TBC1D5: variants seen among roughly 807,000 people sequenced by gnomAD.
TBC1D5 encodes TBC1 domain family, member 5.
In TBC1D5, 75 loss-of-function variants were observed where a neutral mutation model predicts 100.3. The observed-to-expected ratio is 0.75, with a 90% CI of 0.62 to 0.91. The LOEUF is 0.91. Ranked by LOEUF, TBC1D5 falls within the 40% of genes least tolerant of loss-of-function variation. The probability of loss-of-function intolerance (pLI) is 0.00; values close to 1 mark genes in which losing one functional copy is unlikely to be tolerated. For missense variants in TBC1D5, 910 were observed against 942.4 expected, an observed-to-expected ratio of 0.97 and a Z score of 0.45; for synonymous variants, 323 against 325.6, an observed-to-expected ratio of 0.99 and a Z score of 0.09.
chr3:17,645,104 G>A (rs1415631405), intron 1 of TBC1D5, among the ~76,000 whole-genome samples: 3 of 152,062 alleles, frequency 2.0e-5, no homozygotes, highest in African/African-American at 7.2e-5. Flanking sequence ...ATTCTCTGAA[G>A]ATAAATATAA....
chr3:17,166,449 AT>A (rs1164576753), intron 21 of TBC1D5, among the ~76,000 whole-genome samples: 4 of 152,236 alleles, frequency 2.6e-5, no homozygotes, highest in Non-Finnish European at 5.9e-5. Context: ...CAACTGACTG[AT>A]AACTAAGACA....
intron 1 of TBC1D5, among the ~76,000 whole-genome samples, chr3:17,635,979 G>C (rs1186103848): frequency 6.6e-6 from 1 of 151,998 alleles, no homozygotes; most frequent in African/African-American, 2.4e-5. Flanking sequence ...GATCACTTGA[G>C]GTCAGGAGTT....
intron 15 of TBC1D5, among the ~76,000 whole-genome samples, chr3:17,266,681 T>C (rs1289225555): frequency 6.6e-6 from 1 of 152,140 alleles, no homozygotes; most frequent in Non-Finnish European, 1.5e-5. Flanking sequence ...TTAATACAGA[T>C]TTTCATTAAA....
intron 1 of TBC1D5, among the ~76,000 whole-genome samples, chr3:17,726,185 ATGTG>A (rs2076115284): frequency 6.6e-6 from 1 of 152,190 alleles, no homozygotes. Context: ...ATACGTGTGC[ATGTG>A]TTTTTATGAT....
intron 16 of TBC1D5, among the ~76,000 whole-genome samples, chr3:17,254,131 CAGATT>C (rs2077418619): frequency 1.3e-5 from 2 of 152,230 alleles, no homozygotes; most frequent in South Asian, 4.2e-4. Context: ...GGGTTATTTC[CAGATT>C]TGGGGTATTA....
intron 14 of TBC1D5, among the ~76,000 whole-genome samples, chr3:17,298,461 G>A (rs1343865486): frequency 1.3e-5 from 2 of 152,132 alleles, no homozygotes; most frequent in South Asian, 4.1e-4. Flanking sequence ...TGTGATAATT[G>A]CTAAAATGGA....
At chr3:17,704,061 C>T (rs1238679448) in intron 1 of TBC1D5, among the ~76,000 whole-genome samples, 2 of 143,078 alleles carry the variant, frequency 1.4e-5, no homozygotes, top group Non-Finnish European at 3.0e-5. Flanking sequence ...AGGCAGAGGA[C>T]CCTGCGGCCT....
chr3:17,500,430 T>C (rs1435546029), intron 3 of TBC1D5, among the ~76,000 whole-genome samples: 2 of 149,662 alleles, frequency 1.3e-5, no homozygotes, highest in Non-Finnish European at 2.9e-5. Context: ...CATCTAAATG[T>C]TCATCATTGA....
intron 16 of TBC1D5, among the ~76,000 whole-genome samples, chr3:17,252,388 G>A (rs1013099923): frequency 6.6e-6 from 1 of 152,140 alleles, no homozygotes; most frequent in African/African-American, 2.4e-5. Flanking sequence ...CCCCGACAGA[G>A]CCTAAATAAC....
At chr3:17,685,703 C>T (rs2070168513) in intron 1 of TBC1D5, among the ~76,000 whole-genome samples, 1 of 151,992 alleles carries the variant, frequency 6.6e-6, no homozygotes. Flanking sequence ...AATTATAATA[C>T]AACTGCCTTG....
At chr3:17,632,558 A>C (rs1191550274) in intron 1 of TBC1D5, among the ~76,000 whole-genome samples, 3 of 152,200 alleles carry the variant, frequency 2.0e-5, no homozygotes, top group Non-Finnish European at 4.4e-5. Flanking sequence ...CTTTCATGAA[A>C]GGAAGAGTCA....
chr3:17,703,438 A>AT (rs2073490740), intron 1 of TBC1D5, among the ~76,000 whole-genome samples: 1 of 152,176 alleles, frequency 6.6e-6, no homozygotes, highest in Admixed American at 6.5e-5. Context: ...TATATTAAAC[A>AT]TTAATATACT....
intron 3 of TBC1D5, among the ~76,000 whole-genome samples, chr3:17,451,939 C>T (rs2094938075): frequency 6.6e-6 from 1 of 151,894 alleles, no homozygotes; most frequent in Non-Finnish European, 1.5e-5. Flanking sequence ...AAAAAAATTA[C>T]AAGAAGGTTA....
chr3:17,665,659 A>T (rs867840877), intron 1 of TBC1D5, among the ~76,000 whole-genome samples: 1 of 152,000 alleles, frequency 6.6e-6, no homozygotes, highest in Non-Finnish European at 1.5e-5. Flanking sequence ...TAACTCACAA[A>T]TTTTTTCCTG....
intron 3 of TBC1D5, among the ~76,000 whole-genome samples, chr3:17,448,036 C>T (rs2094839305): frequency 6.6e-6 from 1 of 152,090 alleles, no homozygotes; most frequent in Admixed American, 6.5e-5. Context: ...TTAGTGTGCA[C>T]CTGTAGTCTC....
intron 1 of TBC1D5, among the ~76,000 whole-genome samples, chr3:17,631,319 A>T (rs2063493790): frequency 6.6e-6 from 1 of 152,232 alleles, no homozygotes; most frequent in South Asian, 2.1e-4. Context: ...AGAAACCTGC[A>T]GAAGAAAAGT....
At chr3:17,717,127 A>G (rs2075305568) in intron 1 of TBC1D5, among the ~76,000 whole-genome samples, 1 of 152,176 alleles carries the variant, frequency 6.6e-6, no homozygotes, top group Non-Finnish European at 1.5e-5. Flanking sequence ...GCCAGTAAAC[A>G]GTACAAGTAA....
intron 13 of TBC1D5, among the ~76,000 whole-genome samples, chr3:17,353,397 AC>A (rs1295969719): frequency 2.0e-5 from 3 of 151,996 alleles, no homozygotes; most frequent in Non-Finnish European, 2.9e-5. Context: ...TTTATAATAC[AC>A]TTTTTATATT....
chr3:17,615,417 A>G (rs2062064006), intron 2 of TBC1D5, among the ~76,000 whole-genome samples: 2 of 151,984 alleles, frequency 1.3e-5, no homozygotes, highest in Non-Finnish European at 2.9e-5. Context: ...GTTAGGGAGG[A>G]TTCCCTCTTT....
Sources: gnomAD v4.1 joint callset for allele counts (sites outside exome capture counted in the v4.1 genomes callset) on GRCh38, gnomAD v4.1.1 for gene constraint, MANE v1.5 for transcripts, NCBI Gene and HGNC (gene_info 2026-07-23, HGNC 2026-07-21) for gene names.